Variants in RBFOX1 observed in about 807,000 individuals in gnomAD.
The protein encoded by RBFOX1 is RNA binding protein fox-1 homolog 1.
A neutral mutation model predicts 57.7 loss-of-function variants in RBFOX1; 8 were observed. The ratio of observed to expected loss-of-function variants is 0.14; its 90% CI spans 0.08 to 0.25. RBFOX1 has a LOEUF of 0.25. Among genes scored for constraint, RBFOX1 ranks in the 10% least tolerant of loss-of-function variants. RBFOX1 has a pLI of 1.00. For missense variants in RBFOX1, 611 were observed against 548.5 expected (o/e 1.11, Z -1.14); for synonymous variants, 326 against 222.4 (o/e 1.47, Z -4.15).
At chr16:7,518,786 G>A (rs1398239454) in intron 5 of RBFOX1, among the ~76,000 whole-genome samples, 1 of 152,164 alleles carries the variant, frequency 6.6e-6, no homozygotes, top group African/African-American at 2.4e-5. Context: ...ACTTTGGGAG[G>A]CCGAGATGGG....
chr16:5,748,503 G>C (rs1371789700), intron 3 of RBFOX1, among the ~76,000 whole-genome samples: 1 of 152,118 alleles, frequency 6.6e-6, no homozygotes, highest in Non-Finnish European at 1.5e-5. Context: ...TATTGTGTGG[G>C]AGTCTAAGTC....
intron 3 of RBFOX1, among the ~76,000 whole-genome samples, chr16:5,706,380 C>T (rs753175019): frequency 9.9e-5 from 15 of 152,192 alleles, no homozygotes; most frequent in Non-Finnish European, 1.6e-4. Context: ...TCGATTGCCC[C>T]GAATCACCAA....
At chr16:7,106,984 A>AAAAACACACACACACAC (rs529197707) in intron 4 of RBFOX1, among the ~76,000 whole-genome samples, 2 of 148,632 alleles carry the variant, frequency 1.3e-5, no homozygotes, top group Admixed American at 6.7e-5. Context: ...ACACAGTTAA[A>AAAAACACACACACACAC]ACACACACAC....
chr16:6,745,153 C>T (rs1407883206), intron 3 of RBFOX1, among the ~76,000 whole-genome samples: 1 of 152,012 alleles, frequency 6.6e-6, no homozygotes, highest in Non-Finnish European at 1.5e-5. Context: ...ATCTGAATTT[C>T]CTGATATATA....
At chr16:6,222,684 T>TTTATTATTA (rs57108959) in intron 1 of RBFOX1, among the ~76,000 whole-genome samples, 9,527 of 141,188 alleles carry the variant, frequency 0.067, 340 homozygotes, top group East Asian at 0.1. Flanking sequence ...TTTCTTTTCT[T>TTTATTATTA]TTATTATTAT....
intron 3 of RBFOX1, among the ~76,000 whole-genome samples, chr16:6,658,923 TTTTGG>T (rs1348619046): frequency 3.5e-5 from 3 of 86,336 alleles, no homozygotes; most frequent in Admixed American, 2.1e-4. Context: ...TTTTTTTGTT[TTTTGG>T]TTTTTTTGTT....
chr16:7,029,993 T>G (rs2042373139), intron 3 of RBFOX1, among the ~76,000 whole-genome samples: 2 of 152,208 alleles, frequency 1.3e-5, no homozygotes, highest in South Asian at 4.1e-4. Flanking sequence ...GACACACTTT[T>G]CGGTCACGTG....
At chr16:7,346,129 C>T (rs542446022) in intron 4 of RBFOX1, among the ~76,000 whole-genome samples, 6 of 152,154 alleles carry the variant, frequency 3.9e-5, no homozygotes, top group Non-Finnish European at 7.3e-5. Flanking sequence ...TTTCTAGCTT[C>T]ATCCGTGTCC....
chr16:6,904,599 TAAAAAAAA>T lies in RBFOX1; in HGVS notation c.-15-147436_-15-147429del, dbSNP rs71147623. Among the ~76,000 whole-genome samples, 24 of 64,036 alleles carry T rather than the reference TAAAAAAAA, an allele frequency of 3.7e-4. No individual in the cohort carries two copies. The South Asian group carries it at 5.2e-3, about 14-fold the overall frequency. The allele number at this position is 64,036 out of a possible 152,430, so 42.0% of individuals were successfully genotyped here. ...CTGGGTGACAGAGTGAGACTCTCTC[TAAAAAAAA>T]AAAAAAAAAAAAAAAAAAAAAGAAG... On this transcript the variant is annotated intron_variant, in intron 3 of 15. Transcript: ENST00000550418.
intron 2 of RBFOX1, among the ~76,000 whole-genome samples, chr16:6,550,327 C>T (rs139036941): frequency 0.027 from 4,066 of 152,198 alleles, 164 homozygotes; most frequent in South Asian, 0.073. Flanking sequence ...CAGGTGTGTG[C>T]CACCAGGCCC....
chr16:6,904,618 A>AAG (rs2069335846), intron 3 of RBFOX1, among the ~76,000 whole-genome samples: 1 of 148,804 alleles, frequency 6.7e-6, no homozygotes, highest in Admixed American at 6.8e-5. Context: ...AAAAAAAAAA[A>AAG]AAAAAAAAAA....
intron 14 of RBFOX1, 61 bp from the exon 15 acceptor site, chr16:7,708,995 G>A (rs1210485678): frequency 1.3e-6 from 2 of 1,495,654 alleles, no homozygotes; most frequent in Non-Finnish European, 1.9e-6. Context: ...TGGATTTTAT[G>A]ATTGTTATTG....
chr16:5,851,479 A>T (rs1053871140), intron 3 of RBFOX1, among the ~76,000 whole-genome samples: 3 of 152,172 alleles, frequency 2.0e-5, no homozygotes, highest in Non-Finnish European at 4.4e-5. Flanking sequence ...ACGGCCTAAG[A>T]TTTACCAGCC....
intron 1 of RBFOX1, among the ~76,000 whole-genome samples, chr16:5,241,902 A>AC (rs147891308): frequency 0.038 from 5,794 of 151,878 alleles, 341 homozygotes; most frequent in African/African-American, 0.13. Flanking sequence ...GGAGTTTAAG[A>AC]CCAGCCTGGG....
chr16:5,366,550 G>A, intron 1 of RBFOX1: 1 of 398,238 alleles, frequency 2.5e-6, no homozygotes. Context: ...AGATGTTAGA[G>A]CAGAAATGCA....
intron 2 of RBFOX1, among the ~76,000 whole-genome samples, chr16:6,466,982 G>T (rs2095063756): frequency 6.6e-6 from 1 of 151,296 alleles, no homozygotes; most frequent in African/African-American, 2.4e-5. Flanking sequence ...TACACTTAAT[G>T]AAATATAAAT....
intron 4 of RBFOX1, among the ~76,000 whole-genome samples, chr16:7,157,558 C>A (rs1351922638): frequency 2.0e-5 from 3 of 152,052 alleles, no homozygotes; most frequent in African/African-American, 7.2e-5. Flanking sequence ...CTTTGCATAG[C>A]TTAAGTCCAG....
chr16:7,632,888 G>T (rs2061203251), intron 11 of RBFOX1, among the ~76,000 whole-genome samples: 1 of 151,476 alleles, frequency 6.6e-6, no homozygotes, highest in African/African-American at 2.4e-5. Context: ...CTTTACAGAA[G>T]TGAACAAAAC....
rs114517507 is a variant in RBFOX1 at position 5,851,614 on chromosome 16, G to A, written c.319-15689G>A. On this transcript the variant is annotated intron_variant, in intron 3 of 19. Coordinates refer to the RBFOX1 transcript ENST00000641259. ...CAAGTTTCTTCTCAATTTTGAGATTGCAATGGGGAGAGCAGAGATGGCTAT... is the reference window on the plus strand; with the variant it reads ...CAAGTTTCTTCTCAATTTTGAGATTACAATGGGGAGAGCAGAGATGGCTAT... Among the ~76,000 whole-genome samples the A allele has an allele frequency of 5.3e-3, 800 of 152,298 alleles. 6 individuals are homozygous for A. The highest frequency in any genetic ancestry group is 0.018 in the African/African-American group (766 of 41,550).
Sources: gnomAD v4.1 joint callset for allele counts (sites outside exome capture counted in the v4.1 genomes callset) on GRCh38, gnomAD v4.1.1 for gene constraint, MANE v1.5 for transcripts, NCBI Gene and HGNC (gene_info 2026-07-23, HGNC 2026-07-21) for gene names.